Variants in LINGO2 observed in about 807,000 individuals in gnomAD.
LINGO2 encodes the protein leucine-rich repeat and immunoglobulin-like domain-containing nogo receptor-interacting protein 2.
A neutral mutation model predicts 30.6 loss-of-function variants in LINGO2; 14 were observed. That is an observed-to-expected ratio of 0.46 (90% CI 0.30 to 0.72). The LOEUF (loss-of-function observed/expected upper bound fraction) is 0.72. LINGO2 is among the 30% of genes least tolerant of loss of function. The pLI, the probability that LINGO2 is intolerant of heterozygous loss-of-function variation, is 0.07. For synonymous variants in LINGO2, 317 were observed against 288.5 expected (o/e 1.10, Z -1.00); for missense variants, 729 against 751.7 (o/e 0.97, Z 0.35).
At chr9:28,969,278 C>T in the LINGO2 span, among the ~76,000 whole-genome samples, 2 of 152,010 alleles carry the variant, frequency 1.3e-5, no homozygotes, top group African/African-American at 4.8e-5. Context: ...AAAGGTAACA[C>T]TTGAGTAAAG....
chr9:28,966,273 C>T, the LINGO2 span, among the ~76,000 whole-genome samples: 561 of 152,224 alleles, frequency 3.7e-3, 2 homozygotes, highest in African/African-American at 0.013. Flanking sequence ...GGGTAAGAAT[C>T]GAGGCCTCTT....
intron 4 of LINGO2, among the ~76,000 whole-genome samples, chr9:28,082,196 A>G (rs746065691): frequency 6.6e-6 from 1 of 151,692 alleles, no homozygotes; most frequent in Non-Finnish European, 1.5e-5. Context: ...CAAAACAAAA[A>G]TCACCTTCTG....
At chr9:28,291,394 G>A (rs72709348) in intron 4 of LINGO2, among the ~76,000 whole-genome samples, 15,168 of 152,192 alleles carry the variant, frequency 0.1, 994 homozygotes, top group Middle Eastern at 0.26. Flanking sequence ...TCACAGCTAG[G>A]GAGATGGCGT....
chr9:27,970,186 T>C (rs1355942786), intron 5 of LINGO2, among the ~76,000 whole-genome samples: 1 of 152,108 alleles, frequency 6.6e-6, no homozygotes, highest in African/African-American at 2.4e-5. Context: ...GTGGGGACAC[T>C]GTGTGTAGTA....
chr9:29,164,841 G>C, the LINGO2 span, among the ~76,000 whole-genome samples: 1 of 152,034 alleles, frequency 6.6e-6, no homozygotes, highest in Admixed American at 6.6e-5. Context: ...ACACTAATAA[G>C]TGAATATGGC....
chr9:29,102,591 G>A, the LINGO2 span, among the ~76,000 whole-genome samples: 1 of 152,152 alleles, frequency 6.6e-6, no homozygotes, highest in Admixed American at 6.6e-5. Context: ...GTTCCTCAAA[G>A]TGTAGGATTT....
chr9:29,032,821 T>G, the LINGO2 span, among the ~76,000 whole-genome samples: 1 of 152,178 alleles, frequency 6.6e-6, no homozygotes, highest in Non-Finnish European at 1.5e-5. Flanking sequence ...TAATATTGTG[T>G]GGTTAATGAT....
chr9:28,088,648 G>A (rs913049471), intron 4 of LINGO2, among the ~76,000 whole-genome samples: 4 of 152,082 alleles, frequency 2.6e-5, no homozygotes, highest in Middle Eastern at 3.2e-3. Context: ...TGAAGAAACT[G>A]TATCAACTAA....
At chr9:28,974,201 T>C in the LINGO2 span, among the ~76,000 whole-genome samples, 1 of 152,078 alleles carries the variant, frequency 6.6e-6, no homozygotes, top group Non-Finnish European at 1.5e-5. Flanking sequence ...GGTCAGGAGA[T>C]CGAGACCAGC....
At chr9:28,158,261 G>A (rs944160938) in intron 4 of LINGO2, among the ~76,000 whole-genome samples, 3 of 152,064 alleles carry the variant, frequency 2.0e-5, no homozygotes, top group East Asian at 1.9e-4. Context: ...AGACTTATTC[G>A]CTGTCACGAG....
chr9:28,850,405 T>C, the LINGO2 span, among the ~76,000 whole-genome samples: 1 of 151,936 alleles, frequency 6.6e-6, no homozygotes, highest in Non-Finnish European at 1.5e-5. Flanking sequence ...ATAGTACTTC[T>C]CTTTCTGGGT....
At position 27,964,811 on chromosome 9, in the gene LINGO2, A is replaced by C. The variant is rs367607165; in HGVS notation, c.-35-14105T>G. ...TAGTTTCCTTTCATCTGGATGAGTA[A>C]ATCTCCATTCTGGCTTGTTGAGTAG... On this transcript the variant is annotated intron_variant, in intron 5 of 5. Coordinates refer to ENST00000379992, the Ensembl canonical transcript of LINGO2. 1.6e-4 allele frequency among the ~76,000 whole-genome samples: 25 copies of C among 152,152 alleles called. No individual in the cohort carries two copies. The East Asian group carries it at 3.1e-3, about 19-fold the overall frequency.
the LINGO2 span, among the ~76,000 whole-genome samples, chr9:29,208,267 A>C: frequency 6.6e-6 from 1 of 152,014 alleles, no homozygotes; most frequent in South Asian, 2.1e-4. Flanking sequence ...AAAATAAAAA[A>C]ATCAGAAACC....
the LINGO2 span, among the ~76,000 whole-genome samples, chr9:28,910,753 A>G: frequency 6.6e-6 from 1 of 152,116 alleles, no homozygotes; most frequent in Non-Finnish European, 1.5e-5. Context: ...TGAACCAATT[A>G]AAGTTTTTTT....
rs77088179 is a variant in LINGO2 at position 28,193,582 on chromosome 9, C to A, written c.-87+101626G>T. ...AAAGCTATTGATAGAAAGGTAACCA[C>A]TACTATGTTTTAGGGGAAAAAAGGT... On this transcript the variant is annotated intron_variant, in intron 4 of 5. Transcript: ENST00000379992. Among the ~76,000 whole-genome samples the A allele has an allele frequency of 1.1e-4, 17 of 152,194 alleles. No individual in the cohort carries two copies. In the East Asian group the frequency reaches 3.3e-3, roughly 29 times the overall value.
At chr9:28,384,735 C>T (rs10757737) in intron 2 of LINGO2, among the ~76,000 whole-genome samples, 106,713 of 151,794 alleles carry the variant, frequency 0.7, 38,667 homozygotes, top group Non-Finnish European at 0.79. Flanking sequence ...TTGCAACATC[C>T]CCTAAGATTT....
the LINGO2 span, among the ~76,000 whole-genome samples, chr9:28,832,472 T>C: frequency 2.0e-5 from 3 of 152,148 alleles, no homozygotes; most frequent in Non-Finnish European, 4.4e-5. Flanking sequence ...GAGTATACAA[T>C]AATTTCTGAA....
intron 4 of LINGO2, among the ~76,000 whole-genome samples, chr9:28,126,316 T>A (rs1827234933): frequency 6.6e-6 from 1 of 152,090 alleles, no homozygotes; most frequent in African/African-American, 2.4e-5. Context: ...GCAAGGGTAT[T>A]TTTCGAAGGT....
intron 4 of LINGO2, among the ~76,000 whole-genome samples, chr9:28,107,297 T>C (rs1826625046): frequency 6.6e-6 from 1 of 152,206 alleles, no homozygotes; most frequent in South Asian, 2.1e-4. Flanking sequence ...CCTTTTACAA[T>C]GCTTAGTGTG....
Sources: gnomAD v4.1 joint callset for allele counts (sites outside exome capture counted in the v4.1 genomes callset) on GRCh38, gnomAD v4.1.1 for gene constraint, MANE v1.5 for transcripts, NCBI Gene and HGNC (gene_info 2026-07-23, HGNC 2026-07-21) for gene names.